SNX29: variants seen among roughly 807,000 people sequenced by gnomAD.
The protein encoded by SNX29 is sorting nexin-29.
In SNX29, 78 loss-of-function variants were observed where a neutral mutation model predicts 102.1. The ratio of observed to expected loss-of-function variants is 0.76; its 90% CI spans 0.64 to 0.92. SNX29 has a LOEUF of 0.92. Among genes scored for constraint, SNX29 ranks in the 40% least tolerant of loss-of-function variants. The pLI, the probability that SNX29 is intolerant of heterozygous loss-of-function variation, is 0.00. For missense variants in SNX29, 1,280 were observed against 1,061.7 expected (o/e 1.21, Z -2.86); for synonymous variants, 580 against 414.5 (o/e 1.40, Z -4.85).
intron 20 of SNX29, among the ~76,000 whole-genome samples, chr16:12,536,825 A>C (rs1270534199): frequency 6.6e-6 from 1 of 152,068 alleles, no homozygotes; most frequent in Admixed American, 6.6e-5. Flanking sequence ...AAACTGCAAA[A>C]ATTAGCCAGG....
At chr16:12,421,910 GCCGTCCATCACCATCATCAT>G (rs987380448) in intron 18 of SNX29, among the ~76,000 whole-genome samples, 15 of 70,730 alleles carry the variant, frequency 2.1e-4, no homozygotes, top group Admixed American at 7.3e-4. Context: ...ACCATCACCA[GCCGTCCATCACCATCATCAT>G]CCGTCCATCA....
intron 4 of SNX29, 147 bp downstream of exon 4, chr16:12,027,591 T>A: frequency 1.1e-6 from 1 of 890,956 alleles, no homozygotes; most frequent in Non-Finnish European, 1.6e-6. Flanking sequence ...GTCTTAATAG[T>A]AGTCAAAACG....
intron 9 of SNX29, 66 bp downstream of exon 9, chr16:12,061,712 T>G (rs976169364): frequency 3.7e-5 from 53 of 1,413,812 alleles, no homozygotes; most frequent in Non-Finnish European, 4.1e-5. Flanking sequence ...AGCAGGAATG[T>G]CTGAGTTCCC....
intron 14 of SNX29, among the ~76,000 whole-genome samples, chr16:12,211,149 C>T (rs928506782): frequency 1.3e-5 from 2 of 152,164 alleles, no homozygotes; most frequent in African/African-American, 2.4e-5. Context: ...CCGTTTCATT[C>T]ATTCAGCCAA....
At chr16:12,555,929 A>C (rs912040516) in intron 20 of SNX29, among the ~76,000 whole-genome samples, 1 of 152,088 alleles carries the variant, frequency 6.6e-6, no homozygotes, top group African/African-American at 2.4e-5. Context: ...GTATGGTGTC[A>C]GGTCTGTTTA....
At chr16:12,563,099 C>G (rs560000371) in intron 20 of SNX29, among the ~76,000 whole-genome samples, 2 of 142,212 alleles carry the variant, frequency 1.4e-5, no homozygotes, top group South Asian at 2.4e-4. Context: ...ATAGAAGACG[C>G]ACGCTAACAA....
chr16:12,113,011 A>G (rs925810585), intron 11 of SNX29, among the ~76,000 whole-genome samples: 1 of 152,144 alleles, frequency 6.6e-6, no homozygotes, highest in Non-Finnish European at 1.5e-5. Context: ...GGAGATCCAC[A>G]TGATTCCCAT....
intron 20 of SNX29, among the ~76,000 whole-genome samples, chr16:12,559,455 T>C (rs1598043463): frequency 6.6e-6 from 1 of 151,692 alleles, no homozygotes; most frequent in Non-Finnish European, 1.5e-5. Context: ...GATTCTACAT[T>C]ATGGTGAGTT....
intron 20 of SNX29, among the ~76,000 whole-genome samples, chr16:12,549,362 G>C (rs572843092): frequency 6.6e-6 from 1 of 152,306 alleles, no homozygotes; most frequent in African/African-American, 2.4e-5. Context: ...ATGGGTGGTG[G>C]TGTGCACCTG....
chr16:12,559,545 C>T (rs909022383), intron 20 of SNX29, among the ~76,000 whole-genome samples: 2 of 152,006 alleles, frequency 1.3e-5, no homozygotes, highest in Admixed American at 6.6e-5. Flanking sequence ...CCACCCCCTA[C>T]ATCTGTGGAA....
At chr16:12,503,708 CT>C (rs1471499690) in intron 19 of SNX29, among the ~76,000 whole-genome samples, 1 of 152,108 alleles carries the variant, frequency 6.6e-6, no homozygotes, top group African/African-American at 2.4e-5. Flanking sequence ...CACTTTTTTT[CT>C]GTGTAGGATT....
chr16:12,115,217 C>CTGG (rs1015059308), intron 11 of SNX29, among the ~76,000 whole-genome samples: 4 of 152,042 alleles, frequency 2.6e-5, no homozygotes, highest in Non-Finnish European at 4.4e-5. Context: ...TTCACTGCTG[C>CTGG]TGGTGTTGTC....
intron 18 of SNX29, among the ~76,000 whole-genome samples, chr16:12,440,262 A>C (rs1314604151): frequency 6.6e-6 from 1 of 152,194 alleles, no homozygotes; most frequent in Non-Finnish European, 1.5e-5. Flanking sequence ...TCACCTTTTC[A>C]AAGTGTACGA....
chr16:12,271,047 C>G (rs1430979059), intron 14 of SNX29, among the ~76,000 whole-genome samples: 1 of 152,154 alleles, frequency 6.6e-6, no homozygotes, highest in African/African-American at 2.4e-5. Flanking sequence ...TCAAAAAAAT[C>G]AATCAATAAA....
At chr16:12,199,722 C>G (rs746138299) in intron 14 of SNX29, 39 bp downstream of exon 14, 27 of 1,573,172 alleles carry the variant, frequency 1.7e-5, no homozygotes, top group Non-Finnish European at 2.3e-5. Context: ...AGGGGCCGGG[C>G]TTTTCCATTA....
At chr16:12,561,865 TA>T (rs1419344307) in intron 20 of SNX29, among the ~76,000 whole-genome samples, 3 of 152,114 alleles carry the variant, frequency 2.0e-5, no homozygotes, top group African/African-American at 4.8e-5. Flanking sequence ...CCTGGGGACT[TA>T]TGGGCTGTCT....
intron 18 of SNX29, among the ~76,000 whole-genome samples, chr16:12,427,279 T>A (rs1024729672): frequency 6.6e-6 from 1 of 151,882 alleles, no homozygotes; most frequent in Admixed American, 6.6e-5. Context: ...TTGCTGTTGT[T>A]TTTTTTTGTG....
At chr16:12,248,602 G>A (rs963635951) in intron 14 of SNX29, among the ~76,000 whole-genome samples, 1 of 151,964 alleles carries the variant, frequency 6.6e-6, no homozygotes, top group African/African-American at 2.4e-5. Flanking sequence ...TTTTAGTGGC[G>A]AGGGGGTCTC....
chr16:12,145,220 C>T (rs972906152), intron 13 of SNX29, among the ~76,000 whole-genome samples: 1 of 151,774 alleles, frequency 6.6e-6, no homozygotes, highest in South Asian at 2.1e-4. Flanking sequence ...AAAAAAATTA[C>T]CTTTAAATTG....
Sources: gnomAD v4.1 joint callset for allele counts (sites outside exome capture counted in the v4.1 genomes callset) on GRCh38, gnomAD v4.1.1 for gene constraint, MANE v1.5 for transcripts, NCBI Gene and HGNC (gene_info 2026-07-23, HGNC 2026-07-21) for gene names.